ACSL5: variants seen among roughly 807,000 people sequenced by gnomAD.
The protein encoded by ACSL5 is long-chain-fatty-acid--CoA ligase 5.
ACSL5 carries 50 observed loss-of-function variants against 84.9 expected under a neutral mutation model. The ratio of observed to expected loss-of-function variants is 0.59; its 90% CI spans 0.47 to 0.75. The LOEUF (loss-of-function observed/expected upper bound fraction) is 0.75, where lower values mean the gene tolerates loss of function less well. Among genes scored for constraint, ACSL5 ranks in the 30% least tolerant of loss-of-function variants. The pLI, the probability that ACSL5 is intolerant of heterozygous loss-of-function variation, is 0.00. For missense variants in ACSL5, 775 were observed against 830.4 expected (o/e 0.93, Z 0.82); for synonymous variants, 280 against 300.7 (o/e 0.93, Z 0.71).
chr10:112,426,811 A>C lies in ACSL5; in HGVS notation c.1863A>C (p.Glu621Asp). The C allele has an allele frequency of 6.2e-7, 1 of 1,614,056 alleles. No individual in the cohort carries two copies. Among genetic ancestry groups the C allele is most frequent in the South Asian group, 1.1e-5 (1 of 91,080 alleles). The stretch of plus-strand genomic sequence containing the variant: ...AGGTTGTAAGGGAAGCCATTTTAGA[A>C]GACTTGCAGAAAATTGGGAAAGAAA... ...QNQVVREAIL[E>D]DLQKIGKESG... is the part of the protein sequence containing the mutation. The change falls in exon 20 of 21, where the codon GAA (glutamate) becomes GAC (aspartate). Residue 621 changes from glutamate (E) to aspartate (D), a missense_variant. By Grantham distance (45) the Glu-to-Asp change is conservative. Coordinates refer to ENST00000354655, the MANE Select transcript of ACSL5 (RefSeq NM_203379.2).
intron 1 of ACSL5, among the ~76,000 whole-genome samples, chr10:112,382,068 T>C (rs907666454): frequency 6.6e-6 from 1 of 152,194 alleles, no homozygotes; most frequent in Non-Finnish European, 1.5e-5. Flanking sequence ...CTTTATCTTC[T>C]ACTGGACCAG....
At position 112,409,694 on chromosome 10, in the gene ACSL5, C is replaced by A; in HGVS notation, c.711+9C>A. On this transcript the variant is annotated intron_variant, in intron 7 of 20. Coordinates refer to ENST00000354655, the MANE Select transcript of ACSL5 (RefSeq NM_203379.2). ...CCCTATATGATGCTGAGGTATGGAT[C>A]TGAAATTTAGCTTGCAGCTCCAATG... 1.2e-6 allele frequency: 2 copies of A among 1,612,420 alleles called. No individual in the cohort carries two copies. Among genetic ancestry groups the A allele is most frequent in the South Asian group, 2.2e-5 (2 of 90,966 alleles).
Position 112,408,506 on chromosome 10 carries a change from C to G in ACSL5, c.517C>G (p.His173Asp). 1 of 1,610,150 alleles carries G rather than the reference C, an allele frequency of 6.2e-7. No homozygotes were observed. Among genetic ancestry groups the G allele is most frequent in the Non-Finnish European group, 8.5e-7 (1 of 1,176,406 alleles). The change falls in exon 6 of 21, where the codon CAT (histidine) becomes GAT (aspartate). Residue 173 changes from histidine to aspartate, a missense_variant. Physicochemically the swap from His to Asp is moderately conservative, Grantham distance 81. Coordinates refer to ENST00000354655, the MANE Select transcript of ACSL5 (RefSeq NM_203379.2). ...YDTLGPEAIV[H>D]IVNKADIAMV... ...CACCTTGGGACCAGAAGCCATCGTA[C>G]ATATTGTCAACAAGGGTAAAATTTT...
At chr10:112,416,219 C>T (rs943764757) in intron 12 of ACSL5, among the ~76,000 whole-genome samples, 16 of 152,114 alleles carry the variant, frequency 1.1e-4, no homozygotes, top group African/African-American at 3.9e-4. Flanking sequence ...CGCCTGTAAT[C>T]CCAGCACTTT....
At chr10:112,424,554 C>T (rs1844597348) in intron 17 of ACSL5, 1 of 152,166 alleles carries the variant, frequency 6.6e-6, no homozygotes, top group South Asian at 2.1e-4. Context: ...GTCCCCACAC[C>T]AGGGTTATAG....
At chr10:112,397,979 C>G (rs910055467) in intron 2 of ACSL5, among the ~76,000 whole-genome samples, 2 of 151,704 alleles carry the variant, frequency 1.3e-5, no homozygotes, top group African/African-American at 4.8e-5. Flanking sequence ...CACATGGATG[C>G]CAGGAGGGTT....
rs1564736474 is a variant in ACSL5 at position 112,401,832 on chromosome 10, CTTTCTTT to C, written c.266-2678_266-2672del. Among the ~76,000 whole-genome samples, 371 of 95,772 alleles carry C rather than the reference CTTTCTTT, an allele frequency of 3.9e-3. 1 individual carries two copies. The highest frequency in any genetic ancestry group is 0.028 in the Middle Eastern group (5 of 176). The allele number at this position is 95,772 out of a possible 152,430, so 62.8% of individuals were successfully genotyped here. Reference sequence around the variant, plus strand: ...TCTTTCTTTCTTTCTTTCTTTCTTTCTTTCTTTCTTCCTTCCTTCCTTCCTTTCTTTC... The same window carrying C: ...TCTTTCTTTCTTTCTTTCTTTCTTTCCTTCCTTCCTTCCTTCCTTTCTTTC... On this transcript the variant is annotated intron_variant, in intron 3 of 20. Coordinates refer to ENST00000354655, the MANE Select transcript of ACSL5 (RefSeq NM_203379.2).
intron 1 of ACSL5, among the ~76,000 whole-genome samples, chr10:112,374,641 G>C (rs1849205173): frequency 6.6e-6 from 1 of 152,300 alleles, no homozygotes; most frequent in African/African-American, 2.4e-5. Context: ...TGAGGGCAGA[G>C]AGTCCCATTT....
In ACSL5 at chr10:112,411,636, A is replaced by G. The variant is rs1463353630; in HGVS notation, c.870+107A>G. ...GACACACACACACACATACACACAC[A>G]CACACACACACGTTAAAGGCTGGAG... is the stretch of plus-strand genomic sequence containing the variant. On this transcript the variant is annotated intron_variant, in intron 10 of 20. Coordinates refer to ENST00000354655, the MANE Select transcript of ACSL5 (RefSeq NM_203379.2). 6 of 1,009,800 alleles carry G rather than the reference A, an allele frequency of 5.9e-6. No homozygotes were observed. The Admixed American group carries it at 1.2e-4, about 20-fold the overall frequency. 62.6% of individuals were successfully genotyped at this position (1,009,800 alleles called of 1,614,324 possible).
chr10:112,394,873 A>G (rs1426816987), intron 1 of ACSL5, 45 bp from the exon 2 acceptor site: 2 of 1,574,806 alleles, frequency 1.3e-6, no homozygotes, highest in South Asian at 1.1e-5. Context: ...GTACAAAAAT[A>G]TGGCCATTTC....
chr10:112,421,637 A>G lies in ACSL5; in HGVS notation c.1359A>G (p.Thr453=), dbSNP rs1218468294. ...YGQTECTGGC[T]FTLPGDWTSG... is the part of the protein sequence containing the mutation. ...AAACAGAATGCACAGGTGGCTGTAC[A>G]TTTACATTACCTGGGGACTGGACAT... is the stretch of plus-strand genomic sequence containing the variant. Residue 453 remains threonine (T), a synonymous_variant, in exon 15 of 21, where the codon ACA becomes ACG. Coordinates refer to ENST00000354655, the MANE Select transcript of ACSL5 (RefSeq NM_203379.2). 6.2e-7 allele frequency: 1 copy of G among 1,614,148 alleles called. No individual in the cohort carries two copies. Among genetic ancestry groups the G allele is most frequent in the Non-Finnish European group, 8.5e-7 (1 of 1,179,986 alleles).
At chr10:112,377,901 C>T (rs779005848) in intron 1 of ACSL5, among the ~76,000 whole-genome samples, 2 of 152,276 alleles carry the variant, frequency 1.3e-5, no homozygotes, top group South Asian at 2.1e-4. Flanking sequence ...AGCAGGCATA[C>T]CCCAGATAAA....
chr10:112,380,606 C>T (rs746237023), intron 1 of ACSL5, among the ~76,000 whole-genome samples: 1 of 152,194 alleles, frequency 6.6e-6, no homozygotes, highest in African/African-American at 2.4e-5. Flanking sequence ...TTCCATTTGG[C>T]TCCATCCAAC....
At chr10:112,396,324 A>T (rs1276959789) in intron 2 of ACSL5, 1 of 152,210 alleles carries the variant, frequency 6.6e-6, no homozygotes, top group Non-Finnish European at 1.5e-5. Context: ...GTTGGCAAAC[A>T]TATGCTGTAA....
At chr10:112,410,538 C>T (rs1447072317) in intron 8 of ACSL5, 43 bp downstream of exon 8, 2 of 1,614,116 alleles carry the variant, frequency 1.2e-6, no homozygotes, top group Admixed American at 3.3e-5. Flanking sequence ...CCATAGTCAA[C>T]TCTCAAAGTT....
At chr10:112,415,797 C>T (rs1367421340) in intron 12 of ACSL5, among the ~76,000 whole-genome samples, 2 of 152,174 alleles carry the variant, frequency 1.3e-5, no homozygotes, top group Non-Finnish European at 2.9e-5. Context: ...AAAAAGACTT[C>T]AATTGCCTTG....
intron 1 of ACSL5, among the ~76,000 whole-genome samples, chr10:112,384,591 T>G (rs1352058422): frequency 6.6e-6 from 1 of 152,204 alleles, no homozygotes; most frequent in African/African-American, 2.4e-5. Flanking sequence ...CACTGCAGCC[T>G]TGACCTCCCT....
At chr10:112,426,177 A>G (rs1844695476) in intron 18 of ACSL5, 81 bp from the exon 19 acceptor site, 1 of 1,094,194 alleles carries the variant, frequency 9.1e-7, no homozygotes. Flanking sequence ...ACAATGACAT[A>G]ATTCTGCTTT....
At chr10:112,400,212 T>C (rs1005322936) in intron 3 of ACSL5, among the ~76,000 whole-genome samples, 1 of 151,742 alleles carries the variant, frequency 6.6e-6, no homozygotes, top group African/African-American at 2.4e-5. Context: ...TCCTTTGGGG[T>C]TTTTTCCTTT....
Sources: gnomAD v4.1 joint callset for allele counts (sites outside exome capture counted in the v4.1 genomes callset) on GRCh38, gnomAD v4.1.1 for gene constraint, MANE v1.5 for transcripts, NCBI Gene and HGNC (gene_info 2026-07-23, HGNC 2026-07-21) for gene names.